Variants in UGT1A6 observed in about 807,000 individuals in gnomAD.
The protein encoded by UGT1A6 is UDP glucuronosyltransferase family 1 member A6, also known as UDP-glucuronosyltransferase 1A6.
Under a neutral mutation model 44.4 loss-of-function variants are expected in UGT1A6, and 32 were observed. That is an observed-to-expected ratio of 0.72 (90% CI 0.54 to 0.97). The LOEUF is 0.97. Among genes scored for constraint, UGT1A6 ranks in the 50% least tolerant of loss-of-function variants. The pLI is 0.00. For missense variants in UGT1A6, 685 were observed against 661.9 expected (o/e 1.03, Z -0.38); for synonymous variants, 238 against 248.5 (o/e 0.96, Z 0.40).
intron 1 of UGT1A6, chr2:233,760,624 T>G (rs1305127348): frequency 6.2e-7 from 1 of 1,614,172 alleles, no homozygotes; most frequent in Non-Finnish European, 8.5e-7. Flanking sequence ...GATCAAAACA[T>G]ACAAGAAAAT....
intron 1 of UGT1A6, among the ~76,000 whole-genome samples, chr2:233,715,257 C>G (rs193085198): frequency 6.6e-6 from 1 of 152,042 alleles, no homozygotes; most frequent in Admixed American, 6.5e-5. Flanking sequence ...TTAAAAAATC[C>G]CCTTACATAA....
At chr2:233,701,218 C>A (rs1237228393) in intron 1 of UGT1A6, among the ~76,000 whole-genome samples, 1 of 152,080 alleles carries the variant, frequency 6.6e-6, no homozygotes, top group Non-Finnish European at 1.5e-5. Flanking sequence ...TATTTATAAT[C>A]CTTTGGGTAT....
intron 1 of UGT1A6, chr2:233,729,152 T>G: frequency 1.2e-6 from 2 of 1,613,556 alleles, no homozygotes. Context: ...CAGGTTCCCC[T>G]GCCGTGGCTG....
intron 1 of UGT1A6, among the ~76,000 whole-genome samples, chr2:233,744,422 T>C (rs2125863019): frequency 6.6e-6 from 1 of 151,974 alleles, no homozygotes; most frequent in Non-Finnish European, 1.5e-5. Flanking sequence ...TTCATGTGGA[T>C]TATATCTATC....
Position 233,743,547 on chromosome 2 carries a change from C to G in UGT1A6, c.862-23487C>G, listed in dbSNP as rs201114978. ...TTCCCCAGCAGTTCCTCTGACCCCC[C>G]CAAAATATTCTCCAGCGGGTTTCCC... is the stretch of plus-strand genomic sequence containing the variant. On this transcript the variant is annotated intron_variant, in intron 1 of 4. Coordinates refer to ENST00000305139, the MANE Select transcript of UGT1A6 (RefSeq NM_001072.4). 1.6e-4 allele frequency: 221 copies of G among 1,367,292 alleles called. 1 individual carries two copies. In the East Asian group the frequency reaches 2.5e-3, roughly 15 times the overall value. The allele number at this position is 1,367,292 out of a possible 1,614,324, so 84.7% of individuals were successfully genotyped here.
intron 1 of UGT1A6, chr2:233,744,024 G>T: frequency 1.1e-6 from 1 of 951,358 alleles, no homozygotes; most frequent in Non-Finnish European, 1.4e-6. Flanking sequence ...CTGGAGAGAC[G>T]CCCCTTATGA....
chr2:233,718,737 A>G lies in UGT1A6; in HGVS notation c.861+24872A>G, dbSNP rs545724404. On this transcript the variant is annotated intron_variant, in intron 1 of 4. Transcript: ENST00000305139. ...ACATGCTGATTTGCTAGGTGGCTCA[A>G]TGACAAGGTAATTAAGGCGAAGGAA... 56 of 1,611,866 alleles carry G rather than the reference A, an allele frequency of 3.5e-5. No homozygotes were observed. In the African/African-American group the frequency reaches 4.3e-4, roughly 12 times the overall value.
At chr2:233,728,439 A>G (rs994532413) in intron 1 of UGT1A6, among the ~76,000 whole-genome samples, 1 of 152,136 alleles carries the variant, frequency 6.6e-6, no homozygotes, top group African/African-American at 2.4e-5. Context: ...CATGGTGTAT[A>G]TGGAGAATCC....
intron 1 of UGT1A6, among the ~76,000 whole-genome samples, chr2:233,702,784 C>T (rs1036142501): frequency 6.6e-6 from 1 of 152,164 alleles, no homozygotes; most frequent in Admixed American, 6.5e-5. Flanking sequence ...CAGGTGTAAA[C>T]GAACCTTGTA....
chr2:233,745,337 C>G lies in UGT1A6; in HGVS notation c.862-21697C>G, dbSNP rs1050113231. Reference sequence around the variant, plus strand: ...TCCACTAGAACTGCTATATCATGACCATGAATTTTGGGGGAATTTTTTTGA... The same window carrying G: ...TCCACTAGAACTGCTATATCATGACGATGAATTTTGGGGGAATTTTTTTGA... On this transcript the variant is annotated intron_variant, in intron 1 of 4. Coordinates refer to ENST00000305139, the MANE Select transcript of UGT1A6 (RefSeq NM_001072.4). 2.3e-4 allele frequency among the ~76,000 whole-genome samples: 35 copies of G among 151,944 alleles called. 1 individual carries two copies. Among genetic ancestry groups the G allele is most frequent in the African/African-American group, 8.2e-4 (34 of 41,228 alleles).
At chr2:233,756,915 T>C (rs571435889) in intron 1 of UGT1A6, among the ~76,000 whole-genome samples, 1 of 152,112 alleles carries the variant, frequency 6.6e-6, no homozygotes, top group East Asian at 1.9e-4. Context: ...ACTTCTGAGT[T>C]TATATAACCT....
intron 1 of UGT1A6, chr2:233,760,709 C>A (rs774109568): frequency 6.2e-7 from 1 of 1,614,204 alleles, no homozygotes; most frequent in African/African-American, 1.3e-5. Flanking sequence ...GCCTCCCTGG[C>A]AGAAAGCAGC....
rs371763780 is a variant in UGT1A6 at position 233,751,446 on chromosome 2, A to G, written c.862-15588A>G. Among the ~76,000 whole-genome samples, 1,356 of 152,090 alleles carry G rather than the reference A, an allele frequency of 8.9e-3. 29 individuals are homozygous for G. Among genetic ancestry groups the G allele is most frequent in the African/African-American group, 0.031 (1,276 of 41,348 alleles). On this transcript the variant is annotated intron_variant, in intron 1 of 4. Transcript: ENST00000305139. Reference sequence around the variant, plus strand: ...TGCTGAAATGAGTTAAGACTTTGGAAGATTGTTGGGAAGGCACGATTGGTT... The same window carrying G: ...TGCTGAAATGAGTTAAGACTTTGGAGGATTGTTGGGAAGGCACGATTGGTT...
chr2:233,733,211 G>A (rs2078366147), intron 1 of UGT1A6, among the ~76,000 whole-genome samples: 1 of 152,200 alleles, frequency 6.6e-6, no homozygotes, highest in Non-Finnish European at 1.5e-5. Flanking sequence ...ACTTTGGGCT[G>A]AGACAATGGG....
intron 1 of UGT1A6, among the ~76,000 whole-genome samples, chr2:233,744,723 G>A (rs187577100): frequency 9.2e-5 from 14 of 151,876 alleles, no homozygotes; most frequent in Admixed American, 8.5e-4. Flanking sequence ...AGAGAATGAC[G>A]GTGAAAAAAT....
At chr2:233,753,682 C>T (rs1184784607) in intron 1 of UGT1A6, 1 of 152,178 alleles carries the variant, frequency 6.6e-6, no homozygotes, top group Non-Finnish European at 1.5e-5. Context: ...CTCACCCAAA[C>T]AATATTACAG....
intron 1 of UGT1A6, chr2:233,761,074 G>C (rs1315793944): frequency 1.2e-6 from 2 of 1,614,148 alleles, no homozygotes; most frequent in Admixed American, 1.7e-5. Context: ...CTTTGTGAAG[G>C]ATTACCCTAG....
At chr2:233,696,527 A>C (rs1396339864) in intron 1 of UGT1A6, among the ~76,000 whole-genome samples, 5 of 152,160 alleles carry the variant, frequency 3.3e-5, no homozygotes, top group Non-Finnish European at 7.3e-5. Flanking sequence ...TTTTGGGTGG[A>C]ATGTTTAAAT....
intron 1 of UGT1A6, among the ~76,000 whole-genome samples, chr2:233,703,618 AT>A (rs2075745853): frequency 6.6e-6 from 1 of 151,894 alleles, no homozygotes; most frequent in South Asian, 2.1e-4. Flanking sequence ...AAAAAAGTCT[AT>A]TTTATCTGAT....
Sources: allele counts gnomAD v4.1 joint callset (sites outside exome capture counted in the v4.1 genomes callset), GRCh38; gene constraint gnomAD v4.1.1; transcripts MANE v1.5; gene names NCBI Gene and HGNC (gene_info 2026-07-23, HGNC 2026-07-21).